The following PEMT variants were observed in gnomAD, a reference collection of about 807,000 sequenced individuals.
The protein encoded by PEMT is phosphatidylethanolamine N-methyltransferase.
A neutral mutation model predicts 27.4 loss-of-function variants in PEMT; 23 were observed. The observed-to-expected ratio is 0.84, with a 90% CI of 0.60 to 1.19. The LOEUF is 1.19. PEMT is among the 50% of genes most tolerant of loss of function. PEMT has a pLI of 0.00. For synonymous variants in PEMT, 137 were observed against 139.1 expected (o/e 0.98, Z 0.11); for missense variants, 307 against 310.1 (o/e 0.99, Z 0.07).
chr17:17,512,985 C>T lies in PEMT; in HGVS notation c.321-331G>A, dbSNP rs1906533582. Among the ~76,000 whole-genome samples, 1 of 152,206 alleles carries T rather than the reference C, an allele frequency of 6.6e-6. No individual in the cohort carries two copies. The highest frequency in any genetic ancestry group is 2.4e-5 in the African/African-American group (1 of 41,444). ...GCATGTGAGCAGGCTGGATTCAGCC[C>T]GAAGGCCACCAGCTTGCAAACTCTC... On this transcript the variant is annotated intron_variant, in intron 3 of 6. Coordinates refer to ENST00000255389, the MANE Select transcript of PEMT (RefSeq NM_148172.3). This position sits in a 1 kb window ranked among gnomAD's most constrained non-coding sequence, Gnocchi z 6.3.
intron 2 of PEMT, among the ~76,000 whole-genome samples, chr17:17,538,719 C>A (rs1046866298): frequency 6.6e-6 from 1 of 152,184 alleles, no homozygotes; most frequent in Non-Finnish European, 1.5e-5. Context: ...ATAAAACAAA[C>A]CCACCTGTAC....
chr17:17,570,140 G>T (rs542707225), intron 2 of PEMT, among the ~76,000 whole-genome samples: 2 of 152,214 alleles, frequency 1.3e-5, no homozygotes, highest in Non-Finnish European at 2.9e-5. Context: ...ATGGTGCTGG[G>T]CACAGGCACT....
At chr17:17,583,715 T>C (rs1359371389) in intron 1 of PEMT, among the ~76,000 whole-genome samples, 1 of 152,244 alleles carries the variant, frequency 6.6e-6, no homozygotes. Flanking sequence ...GCGGCCCCTC[T>C]ACTCTGTCTG....
intron 2 of PEMT, among the ~76,000 whole-genome samples, chr17:17,532,018 G>A (rs980689157): frequency 2.6e-5 from 4 of 152,118 alleles, no homozygotes; most frequent in Admixed American, 6.6e-5. Flanking sequence ...AGAACTCTTA[G>A]AACTTGATAA....
intron 2 of PEMT, among the ~76,000 whole-genome samples, chr17:17,547,502 G>A (rs1051148102): frequency 3.9e-5 from 6 of 152,364 alleles, no homozygotes; most frequent in South Asian, 2.1e-4. Context: ...ACACTGTGGC[G>A]TGCAGGATGA....
At chr17:17,534,318 CTGAG>C in intron 2 of PEMT, among the ~76,000 whole-genome samples, 1 of 152,338 alleles carries the variant, frequency 6.6e-6, no homozygotes. Flanking sequence ...AATAACTATG[CTGAG>C]TGAAAGAAGC....
intron 2 of PEMT, among the ~76,000 whole-genome samples, chr17:17,536,224 G>A (rs565794668): frequency 9.2e-5 from 14 of 152,338 alleles, no homozygotes; most frequent in African/African-American, 3.4e-4. Flanking sequence ...CACGGGGGAC[G>A]TCCGATAGTG....
intron 3 of PEMT, among the ~76,000 whole-genome samples, chr17:17,517,723 C>T (rs886125816): frequency 6.6e-5 from 10 of 152,230 alleles, no homozygotes; most frequent in Non-Finnish European, 1.0e-4. Flanking sequence ...ACCTGCCCCA[C>T]GGCCTCTAGT....
intron 2 of PEMT, among the ~76,000 whole-genome samples, chr17:17,552,552 G>A (rs1597922546): frequency 6.6e-6 from 1 of 152,204 alleles, no homozygotes; most frequent in Non-Finnish European, 1.5e-5. Context: ...GCCCCATCAG[G>A]GCGGTGGGGA....
intron 2 of PEMT, among the ~76,000 whole-genome samples, chr17:17,564,266 C>T (rs886863452): frequency 2.0e-5 from 3 of 152,178 alleles, no homozygotes; most frequent in Non-Finnish European, 2.9e-5. Context: ...CCACATTCCA[C>T]TCCTGGCAGG....
intron 2 of PEMT, among the ~76,000 whole-genome samples, chr17:17,566,800 T>C (rs1190636806): frequency 1.3e-5 from 2 of 152,056 alleles, no homozygotes; most frequent in Non-Finnish European, 2.9e-5. Context: ...CGAACGAACC[T>C]CACCAGCCAT....
intron 5 of PEMT, chr17:17,507,385 C>A (rs1183155333): frequency 3.2e-6 from 2 of 626,774 alleles, no homozygotes; most frequent in South Asian, 1.8e-5. Flanking sequence ...AGGGCTGGAT[C>A]GAGGTGAGGG....
intron 2 of PEMT, among the ~76,000 whole-genome samples, chr17:17,571,660 G>GC (rs1340909310): frequency 6.6e-6 from 1 of 151,774 alleles, no homozygotes; most frequent in South Asian, 2.1e-4. Flanking sequence ...CCTCTCCAGT[G>GC]CCCCCAGCTC....
At chr17:17,564,043 CT>C (rs5819618) in intron 2 of PEMT, among the ~76,000 whole-genome samples, 57,205 of 152,116 alleles carry the variant, frequency 0.38, 11,338 homozygotes, top group Middle Eastern at 0.47. Context: ...CCTCCTGAGT[CT>C]TGGGAAGGAG....
intron 3 of PEMT, chr17:17,517,979 G>A (rs1397742765): frequency 2.0e-6 from 2 of 985,580 alleles, no homozygotes; most frequent in African/African-American, 1.7e-5. Flanking sequence ...AATACCTCCA[G>A]GTTGAGGAAG....
intron 2 of PEMT, among the ~76,000 whole-genome samples, chr17:17,522,830 G>A (rs1413078916): frequency 1.3e-5 from 2 of 152,168 alleles, no homozygotes; most frequent in South Asian, 2.1e-4. Flanking sequence ...AGGAGCACGC[G>A]GCCTTCAGAG....
At chr17:17,572,931 G>C (rs985758048) in intron 2 of PEMT, among the ~76,000 whole-genome samples, 6 of 151,152 alleles carry the variant, frequency 4.0e-5, no homozygotes, top group Admixed American at 3.9e-4. Context: ...GCTCATGCCT[G>C]TAATCCCAGC....
At chr17:17,514,840 C>A (rs770509484) in intron 3 of PEMT, among the ~76,000 whole-genome samples, 11 of 152,248 alleles carry the variant, frequency 7.2e-5, no homozygotes, top group Admixed American at 1.3e-4. Context: ...CTGCAAGCAT[C>A]TGGCTCCTTG....
At position 17,537,242 on chromosome 17, in the gene PEMT, C is replaced by A. The variant is rs574478328; in HGVS notation, c.205-14847G>T. On this transcript the variant is annotated intron_variant, in intron 2 of 6. Coordinates refer to ENST00000255389, the MANE Select transcript of PEMT (RefSeq NM_148172.3). Reference sequence around the variant, plus strand: ...CAGAGTCCAGCTCGGAGGTGGGAGCCCAGAGCTCCTCGAATCCTGCCCTGC... The same window carrying A: ...CAGAGTCCAGCTCGGAGGTGGGAGCACAGAGCTCCTCGAATCCTGCCCTGC... Among the ~76,000 whole-genome samples the A allele has an allele frequency of 2.1e-4, 32 of 152,322 alleles. No individual in the cohort carries two copies. The South Asian group carries it at 6.6e-3, about 32-fold the overall frequency.
Sources: allele counts gnomAD v4.1 joint callset (sites outside exome capture counted in the v4.1 genomes callset), GRCh38; gene constraint gnomAD v4.1.1; non-coding constraint Gnocchi (gnomAD v3.1); transcripts MANE v1.5; gene names NCBI Gene and HGNC (gene_info 2026-07-23, HGNC 2026-07-21).